The following CPA6 variants were observed in gnomAD, a reference collection of about 807,000 sequenced individuals.
CPA6 encodes carboxypeptidase A6.
In CPA6, 58 loss-of-function variants were observed where a neutral mutation model predicts 63.3. The ratio of observed to expected loss-of-function variants is 0.92; its 90% CI spans 0.74 to 1.14. The LOEUF (loss-of-function observed/expected upper bound fraction) is 1.14, where lower values mean the gene tolerates loss of function less well. CPA6 is among the 50% of genes most tolerant of loss of function. The probability of loss-of-function intolerance (pLI) is 0.00; values close to 1 mark genes in which losing one functional copy is unlikely to be tolerated. For synonymous variants in CPA6, 185 were observed against 179.0 expected (o/e 1.03, Z -0.27); for missense variants, 565 against 526.6 (o/e 1.07, Z -0.71).
intron 2 of CPA6, among the ~76,000 whole-genome samples, chr8:67,575,862 A>C (rs1813612031): frequency 6.6e-6 from 1 of 152,094 alleles, no homozygotes; most frequent in African/African-American, 2.4e-5. Flanking sequence ...AAAAAAAGGA[A>C]GAAATTTTGT....
intron 2 of CPA6, among the ~76,000 whole-genome samples, chr8:67,603,421 TTATTA>T (rs1433379576): frequency 2.6e-5 from 4 of 152,208 alleles, no homozygotes; most frequent in Admixed American, 6.5e-5. Context: ...GATCTGTACT[TTATTA>T]TATTTCTTTC....
At position 67,624,225 on chromosome 8, in the gene CPA6, T is replaced by G. The variant is rs571002336; in HGVS notation, c.143A>C (p.Lys48Thr). Residue 48 changes from lysine to threonine, a missense_variant, in exon 2 of 11, where the codon AAA becomes ACA. By Grantham distance (78) the Lys-to-Thr change is moderately conservative. Coordinates refer to ENST00000297770, the MANE Select transcript of CPA6 (RefSeq NM_020361.5). ...CAGTGCATATGCTTCCTCTTCTGTT[T>G]TGGGAATAAATCTTATCACTTTATC... ...AGDKVIRFIP[K>T]TEEEAYALKK... The G allele has an allele frequency of 1.3e-6, 2 of 1,547,616 alleles. No homozygotes were observed. Among genetic ancestry groups the G allele is most frequent in the Non-Finnish European group, 1.8e-6 (2 of 1,122,684 alleles).
intron 8 of CPA6, among the ~76,000 whole-genome samples, chr8:67,449,766 C>T (rs1450573079): frequency 6.6e-6 from 1 of 151,934 alleles, no homozygotes; most frequent in Non-Finnish European, 1.5e-5. Context: ...TCCACCTCCA[C>T]CTCCATCAAA....
At chr8:67,661,777 C>A (rs992020764) in intron 1 of CPA6, among the ~76,000 whole-genome samples, 1 of 152,208 alleles carries the variant, frequency 6.6e-6, no homozygotes, top group Admixed American at 6.5e-5. Flanking sequence ...TCCCCTTCTT[C>A]CCAGGCCCTG....
intron 1 of CPA6, among the ~76,000 whole-genome samples, chr8:67,660,647 T>A (rs755374416): frequency 4.0e-5 from 6 of 151,896 alleles, no homozygotes; most frequent in Non-Finnish European, 7.4e-5. Flanking sequence ...CCGGCCTGTA[T>A]TACAGTTTTA....
intron 1 of CPA6, among the ~76,000 whole-genome samples, chr8:67,656,814 G>C (rs760687946): frequency 2.0e-5 from 3 of 152,190 alleles, no homozygotes; most frequent in Non-Finnish European, 4.4e-5. Flanking sequence ...GTTTGGTGGA[G>C]TTTCTTAATG....
intron 1 of CPA6, among the ~76,000 whole-genome samples, chr8:67,730,159 C>T (rs1817680008): frequency 6.6e-6 from 1 of 152,240 alleles, no homozygotes; most frequent in Admixed American, 6.5e-5. Context: ...TCCTACTTCA[C>T]ATGCCAATCT....
chr8:67,687,244 G>A (rs1816725957), intron 1 of CPA6, among the ~76,000 whole-genome samples: 1 of 152,228 alleles, frequency 6.6e-6, no homozygotes, highest in African/African-American at 2.4e-5. Flanking sequence ...GAGCAGGGAA[G>A]GGCCTCAGTC....
rs779497152 is a variant in CPA6, at chr8:67,422,737, C to G, written c.1127-46G>C. 5 of 1,474,888 alleles carry G rather than the reference C, an allele frequency of 3.4e-6. No individual in the cohort carries two copies. In the African/African-American group the frequency reaches 5.7e-5, roughly 17 times the overall value. 91.4% of individuals were successfully genotyped at this position (1,474,888 alleles called of 1,614,324 possible). ...AAAAAGATCAGCCTCACTAAAGAGT[C>G]AGTATAATTTTCTAAATGTATATAC... is the stretch of plus-strand genomic sequence containing the variant. On this transcript the variant is annotated intron_variant, in intron 10 of 10. Transcript: ENST00000297770.
chr8:67,487,428 A>G (rs1208221785), intron 6 of CPA6, among the ~76,000 whole-genome samples: 1 of 152,194 alleles, frequency 6.6e-6, no homozygotes, highest in East Asian at 1.9e-4. Context: ...CATATGTGCC[A>G]TGTTTTCTTA....
At chr8:67,740,911 C>G (rs186240604) in intron 1 of CPA6, among the ~76,000 whole-genome samples, 467 of 152,296 alleles carry the variant, frequency 3.1e-3, no homozygotes, top group Non-Finnish European at 5.1e-3. Context: ...AAGTCTACTT[C>G]TGTGAATAGT....
At chr8:67,692,408 G>A (rs116464499) in intron 1 of CPA6, among the ~76,000 whole-genome samples, 398 of 151,344 alleles carry the variant, frequency 2.6e-3, no homozygotes, top group African/African-American at 9.3e-3. Flanking sequence ...TTGCTAAAGT[G>A]TGAACTATGT....
chr8:67,554,398 A>G (rs1366961882), intron 2 of CPA6, among the ~76,000 whole-genome samples: 1 of 152,104 alleles, frequency 6.6e-6, no homozygotes, highest in Non-Finnish European at 1.5e-5. Flanking sequence ...ATGAGAAGTC[A>G]CTCACTGTCA....
intron 8 of CPA6, among the ~76,000 whole-genome samples, chr8:67,479,462 G>C (rs777547197): frequency 1.1e-4 from 16 of 152,114 alleles, no homozygotes; most frequent in Non-Finnish European, 2.2e-4. Context: ...GTTAAAATTT[G>C]TATGCCTTTC....
intron 6 of CPA6, among the ~76,000 whole-genome samples, chr8:67,495,714 A>G (rs1013524443): frequency 1.3e-5 from 2 of 151,834 alleles, no homozygotes; most frequent in Admixed American, 1.3e-4. Flanking sequence ...TTGAGACAAG[A>G]TCTCACTCTG....
intron 2 of CPA6, among the ~76,000 whole-genome samples, chr8:67,545,719 C>T (rs889832866): frequency 5.9e-5 from 9 of 151,982 alleles, no homozygotes; most frequent in South Asian, 4.2e-4. Context: ...TGTGCCACCA[C>T]GCCCAGCTAA....
intron 2 of CPA6, among the ~76,000 whole-genome samples, chr8:67,588,788 T>G (rs924996873): frequency 3.3e-5 from 5 of 152,190 alleles, no homozygotes; most frequent in African/African-American, 1.2e-4. Context: ...AGCCCCAAAC[T>G]GTGATTTGCT....
At chr8:67,636,557 C>A (rs1462247102) in intron 1 of CPA6, among the ~76,000 whole-genome samples, 1 of 151,478 alleles carries the variant, frequency 6.6e-6, no homozygotes, top group Non-Finnish European at 1.5e-5. Flanking sequence ...CCAAGTCCCT[C>A]TCGCTAAAAC....
At chr8:67,545,100 A>C (rs567779443) in intron 2 of CPA6, among the ~76,000 whole-genome samples, 1 of 152,206 alleles carries the variant, frequency 6.6e-6, no homozygotes. Flanking sequence ...TGGAATAATG[A>C]TATTTTATAA....
Sources: gnomAD v4.1 joint callset for allele counts (sites outside exome capture counted in the v4.1 genomes callset) on GRCh38, gnomAD v4.1.1 for gene constraint, MANE v1.5 for transcripts, NCBI Gene and HGNC (gene_info 2026-07-23, HGNC 2026-07-21) for gene names.